The following AAMDC variants were observed in gnomAD, a reference collection of about 807,000 sequenced individuals.
AAMDC encodes the protein adipogenesis associated Mth938 domain containing.
A neutral mutation model predicts 15.5 loss-of-function variants in AAMDC; 16 were observed. The observed-to-expected ratio is 1.03, with a 90% CI of 0.70 to 1.57. The LOEUF (loss-of-function observed/expected upper bound fraction) is 1.57. AAMDC is among the 40% of genes most tolerant of loss of function. AAMDC has a pLI of 0.00. For missense variants in AAMDC, 141 were observed against 144.9 expected (o/e 0.97, Z 0.14); for synonymous variants, 51 against 51.6 (o/e 0.99, Z 0.05).
intron 2 of AAMDC, among the ~76,000 whole-genome samples, chr11:77,845,021 C>G (rs1289713146): frequency 6.6e-6 from 1 of 152,170 alleles, no homozygotes; most frequent in Non-Finnish European, 1.5e-5. Context: ...TTGCTTCTCT[C>G]TAACTGCTTT....
At chr11:77,871,501 TG>T (rs1390315651) in intron 3 of AAMDC, among the ~76,000 whole-genome samples, 1 of 151,866 alleles carries the variant, frequency 6.6e-6, no homozygotes, top group African/African-American at 2.4e-5. Flanking sequence ...GTGAGGAAAA[TG>T]GTGACTTATG....
chr11:77,846,646 C>T (rs187887153), intron 2 of AAMDC, among the ~76,000 whole-genome samples: 2 of 152,306 alleles, frequency 1.3e-5, no homozygotes, highest in Admixed American at 6.5e-5. Context: ...GTGGAGGTTG[C>T]GGTGAGCCAA....
At chr11:77,853,625 A>T (rs938215829) in intron 2 of AAMDC, among the ~76,000 whole-genome samples, 18 of 152,074 alleles carry the variant, frequency 1.2e-4, no homozygotes, top group African/African-American at 4.3e-4. Flanking sequence ...GCCCCTCCCA[A>T]ATCTCATGTC....
chr11:77,858,051 C>T (rs1265323522), intron 2 of AAMDC, among the ~76,000 whole-genome samples: 1 of 152,068 alleles, frequency 6.6e-6, no homozygotes, highest in Non-Finnish European at 1.5e-5. Flanking sequence ...CTGTCCCTCA[C>T]AGGGTGACCC....
In AAMDC at chr11:77,827,368, A is replaced by G. The variant is rs569463417; in HGVS notation, c.-19+6127A>G. Among the ~76,000 whole-genome samples the G allele has an allele frequency of 6.6e-5, 10 of 152,354 alleles. No homozygotes were observed. The South Asian group carries it at 2.1e-3, about 32-fold the overall frequency. ...AAAGCCCAATACCTCATGTGAATCT[A>G]GCAAACACAGCAATCCTCAATTAAA... On this transcript the variant is annotated intron_variant, in intron 1 of 3. Coordinates refer to ENST00000393427, the MANE Select transcript of AAMDC (RefSeq NM_024684.4).
At chr11:77,885,971 C>T (rs571836201) in intron 5 of AAMDC, among the ~76,000 whole-genome samples, 4 of 152,060 alleles carry the variant, frequency 2.6e-5, no homozygotes, top group Non-Finnish European at 5.9e-5. Flanking sequence ...GGGGCTGAGG[C>T]GGGAGGATTG....
chr11:77,890,648 T>C (rs761421441), intron 5 of AAMDC, among the ~76,000 whole-genome samples: 6 of 152,218 alleles, frequency 3.9e-5, no homozygotes, highest in Non-Finnish European at 7.3e-5. Context: ...AATGAAACTG[T>C]GCACACCCCG....
At chr11:77,886,133 A>C (rs1262845609) in intron 5 of AAMDC, among the ~76,000 whole-genome samples, 1 of 151,550 alleles carries the variant, frequency 6.6e-6, no homozygotes, top group Non-Finnish European at 1.5e-5. Context: ...TTGGACACAG[A>C]AGTTTGAGGT....
At chr11:77,837,364 C>T (rs1267834484) in intron 1 of AAMDC, among the ~76,000 whole-genome samples, 1 of 151,410 alleles carries the variant, frequency 6.6e-6, no homozygotes, top group African/African-American at 2.4e-5. Flanking sequence ...CTCTTAACTC[C>T]TGACCTCGTG....
At chr11:77,835,242 C>T (rs188273042) in intron 1 of AAMDC, among the ~76,000 whole-genome samples, 1 of 152,216 alleles carries the variant, frequency 6.6e-6, no homozygotes, top group East Asian at 1.9e-4. Context: ...ACCCTTTGCC[C>T]CGTCCCACTT....
intron 2 of AAMDC, among the ~76,000 whole-genome samples, chr11:77,863,400 G>A (rs984198453): frequency 1.3e-5 from 2 of 152,126 alleles, no homozygotes; most frequent in East Asian, 1.9e-4. Flanking sequence ...AACAAAACAC[G>A]GACCAGAAGA....
intron 2 of AAMDC, among the ~76,000 whole-genome samples, chr11:77,856,579 G>C (rs538798596): frequency 6.6e-6 from 1 of 152,114 alleles, no homozygotes; most frequent in Admixed American, 6.5e-5. Flanking sequence ...ATTGGCTCAC[G>C]GTTCCACAGG....
At chr11:77,835,509 C>A (rs1590931201) in intron 1 of AAMDC, among the ~76,000 whole-genome samples, 1 of 152,230 alleles carries the variant, frequency 6.6e-6, no homozygotes, top group African/African-American at 2.4e-5. Context: ...TCAGACTCAT[C>A]TTCCTCGTTG....
intron 5 of AAMDC, among the ~76,000 whole-genome samples, chr11:77,888,767 T>C (rs1952130622): frequency 6.6e-6 from 1 of 152,078 alleles, no homozygotes; most frequent in Admixed American, 6.6e-5. Flanking sequence ...GGGCAAAGGA[T>C]ATGAACAGAC....
At chr11:77,831,694 CTTTT>C (rs532912432) in intron 1 of AAMDC, among the ~76,000 whole-genome samples, 2 of 135,996 alleles carry the variant, frequency 1.5e-5, no homozygotes, top group Non-Finnish European at 3.2e-5. Context: ...ACTTAGGTAT[CTTTT>C]TTTTTTTTTT....
At chr11:77,883,139 A>C (rs925681400) in intron 5 of AAMDC, among the ~76,000 whole-genome samples, 3 of 152,086 alleles carry the variant, frequency 2.0e-5, no homozygotes, top group African/African-American at 7.2e-5. Context: ...GAGTGAAAGA[A>C]AATTCCAAAA....
At position 77,825,878 on chromosome 11, in the gene AAMDC, G is replaced by A. The variant is rs543822262; in HGVS notation, c.-19+4637G>A. 5.3e-5 allele frequency among the ~76,000 whole-genome samples: 8 copies of A among 152,116 alleles called. No homozygotes were observed. In the East Asian group the frequency reaches 1.4e-3, roughly 26 times the overall value. On this transcript the variant is annotated intron_variant, in intron 1 of 3. Coordinates refer to ENST00000393427, the MANE Select transcript of AAMDC (RefSeq NM_024684.4). ...GGCTAATTTTTGTATTTTTTGTAGA[G>A]ATGGGGTTTCACTACGTTGGCCAGG...
chr11:77,824,459 C>T (rs960211466), intron 1 of AAMDC, among the ~76,000 whole-genome samples: 3 of 152,076 alleles, frequency 2.0e-5, no homozygotes, highest in South Asian at 2.1e-4. Context: ...TTAGAATTAA[C>T]GGCTAATTTA....
chr11:77,846,126 G>A (rs1206997797), intron 2 of AAMDC, among the ~76,000 whole-genome samples: 1 of 151,852 alleles, frequency 6.6e-6, no homozygotes, highest in Non-Finnish European at 1.5e-5. Context: ...GTTCCTATGT[G>A]GTTCTATAAA....
Sources: allele counts gnomAD v4.1 joint callset (sites outside exome capture counted in the v4.1 genomes callset), GRCh38; gene constraint gnomAD v4.1.1; transcripts MANE v1.5; gene names NCBI Gene and HGNC (gene_info 2026-07-23, HGNC 2026-07-21).